ADARB2: variants seen among roughly 807,000 people sequenced by gnomAD.
The protein encoded by ADARB2 is adenosine deaminase RNA specific B2 (inactive).
In ADARB2, 25 loss-of-function variants were observed where a neutral mutation model predicts 62.2. The observed-to-expected ratio is 0.40, with a 90% CI of 0.29 to 0.56. The LOEUF (loss-of-function observed/expected upper bound fraction) is 0.56. Among genes scored for constraint, ADARB2 ranks in the 20% least tolerant of loss-of-function variants. The pLI is 0.43. For missense variants in ADARB2, 1,071 were observed against 1,077.4 expected, an observed-to-expected ratio of 0.99 and a Z score of 0.08; for synonymous variants, 572 against 500.8, an observed-to-expected ratio of 1.14 and a Z score of -1.90.
At chr10:1,480,421 G>A (rs1232793571) in intron 1 of ADARB2, among the ~76,000 whole-genome samples, 1 of 152,204 alleles carries the variant, frequency 6.6e-6, no homozygotes, top group South Asian at 2.1e-4. Flanking sequence ...AGTTCTGGCC[G>A]GGCGTGGTGG....
chr10:1,691,725 G>C (rs1834675161), intron 1 of ADARB2, among the ~76,000 whole-genome samples: 1 of 152,108 alleles, frequency 6.6e-6, no homozygotes, highest in Admixed American at 6.5e-5. Flanking sequence ...TCAACTGCTT[G>C]CTCTGGTTCG....
At chr10:1,407,620 G>A (rs554004898) in intron 1 of ADARB2, among the ~76,000 whole-genome samples, 21 of 152,276 alleles carry the variant, frequency 1.4e-4, no homozygotes, top group Non-Finnish European at 2.2e-4. Context: ...GCCCTTCCTC[G>A]GGGCATAGTC....
intron 4 of ADARB2, among the ~76,000 whole-genome samples, chr10:1,270,474 A>C (rs1831250385): frequency 6.6e-6 from 1 of 152,180 alleles, no homozygotes; most frequent in African/African-American, 2.4e-5. Context: ...CCGATTGATC[A>C]AATTTAGCCC....
chr10:1,626,336 G>C (rs902006342), intron 1 of ADARB2, among the ~76,000 whole-genome samples: 1 of 120,410 alleles, frequency 8.3e-6, no homozygotes. Context: ...GCTCTCTCCT[G>C]CATGGACACA....
chr10:1,653,568 C>A (rs114324639), intron 1 of ADARB2, among the ~76,000 whole-genome samples: 1,169 of 98,838 alleles, frequency 0.012, 9 homozygotes, highest in African/African-American at 0.025. Flanking sequence ...AGTCTCCACC[C>A]CACGCCTCAT....
In ADARB2 at chr10:1,400,779, C is replaced by A. The variant is rs188522039; in HGVS notation, c.101-21619G>T. On this transcript the variant is annotated intron_variant, in intron 1 of 9. Coordinates refer to ENST00000381312, the MANE Select transcript of ADARB2 (RefSeq NM_018702.4). ...TCATGCTGTTCTTCTGCGTTCCACA[C>A]GGTTTGTAAAAAGGCGTGGCATGTG... Among the ~76,000 whole-genome samples the A allele has an allele frequency of 3.9e-5, 6 of 152,218 alleles. No homozygotes were observed. In the South Asian group the frequency reaches 1.0e-3, roughly 26 times the overall value.
At chr10:1,568,774 G>C (rs1419246955) in intron 1 of ADARB2, among the ~76,000 whole-genome samples, 1 of 151,178 alleles carries the variant, frequency 6.6e-6, no homozygotes, top group Non-Finnish European at 1.5e-5. Context: ...CTAAACTTCT[G>C]TGTGCATATA....
chr10:1,178,016 T>C lies in ADARB2; in HGVS notation c.*5177A>G, dbSNP rs1836611569. On this transcript the variant is annotated 3_prime_UTR_variant, in exon 10 of 10. Transcript: ENST00000381312. ...GAGATGTGGCCACCAGCGTTCCTTC[T>C]GGTGGGAGGTCAGAACATGTGGACA... is the stretch of plus-strand genomic sequence containing the variant. 6.6e-6 allele frequency: 1 copy of C among 152,198 alleles called. No individual in the cohort carries two copies. The highest frequency in any genetic ancestry group is 2.4e-5 in the African/African-American group (1 of 41,450). The allele number at this position is 152,198 out of a possible 1,614,324, so 9.4% of individuals were successfully genotyped here. A position where few individuals can be genotyped will look rare whatever the true frequency, so the allele number is the denominator to read the frequency against.
rs544985761 is a variant in ADARB2, at chr10:1,266,789, G to A, written c.1192+4166C>T. Among the ~76,000 whole-genome samples, 107 of 152,204 alleles carry A rather than the reference G, an allele frequency of 7.0e-4. 1 individual carries two copies. Among genetic ancestry groups the A allele is most frequent in the Non-Finnish European group, 2.5e-4 (17 of 68,040 alleles). ...ACACGGGCCAGGGCGTCTCCTCAGA[G>A]GAGTTGAGCAGAAGTTACAGCTACA... is the stretch of plus-strand genomic sequence containing the variant. On this transcript the variant is annotated intron_variant, in intron 4 of 9. Transcript: ENST00000381312.
intron 1 of ADARB2, among the ~76,000 whole-genome samples, chr10:1,492,393 T>C (rs1482129186): frequency 6.6e-6 from 1 of 152,108 alleles, no homozygotes; most frequent in East Asian, 1.9e-4. Context: ...AGTATGTTGG[T>C]GTCCTTATCA....
chr10:1,706,465 A>T (rs1291589629), intron 1 of ADARB2, among the ~76,000 whole-genome samples: 2 of 152,224 alleles, frequency 1.3e-5, no homozygotes, highest in Non-Finnish European at 2.9e-5. Context: ...AAGGCCAGCC[A>T]CAGGTATTTA....
intron 1 of ADARB2, among the ~76,000 whole-genome samples, chr10:1,569,864 G>T (rs563713815): frequency 6.6e-6 from 1 of 152,230 alleles, no homozygotes; most frequent in African/African-American, 2.4e-5. Flanking sequence ...GGCACTGCTT[G>T]TTTTTTATCC....
intron 3 of ADARB2, among the ~76,000 whole-genome samples, chr10:1,352,090 T>A (rs975796528): frequency 1.7e-4 from 26 of 151,860 alleles, no homozygotes; most frequent in African/African-American, 6.3e-4. Context: ...TGGGCTGTAC[T>A]GCCGCAAAGC....
intron 1 of ADARB2, among the ~76,000 whole-genome samples, chr10:1,549,367 C>T (rs11591776): frequency 6.6e-6 from 1 of 151,922 alleles, no homozygotes; most frequent in South Asian, 2.1e-4. Flanking sequence ...TTTTTGAAAG[C>T]CCTGGGAGTG....
At chr10:1,190,628 C>T (rs528347008) in intron 8 of ADARB2, among the ~76,000 whole-genome samples, 4 of 152,320 alleles carry the variant, frequency 2.6e-5, no homozygotes, top group African/African-American at 9.6e-5. Flanking sequence ...CTCTCCCAGC[C>T]TCTGCTCAAT....
chr10:1,431,558 A>T (rs1830778085), intron 1 of ADARB2, among the ~76,000 whole-genome samples: 4 of 152,190 alleles, frequency 2.6e-5, no homozygotes, highest in Admixed American at 2.6e-4. Context: ...TTATAAAACT[A>T]TAAAAAACAA....
At chr10:1,233,293 G>C (rs769252774) in intron 6 of ADARB2, among the ~76,000 whole-genome samples, 2 of 152,196 alleles carry the variant, frequency 1.3e-5, no homozygotes, top group Non-Finnish European at 2.9e-5. Flanking sequence ...CCCTGGCTTG[G>C]TTGCAAAAGC....
intron 2 of ADARB2, among the ~76,000 whole-genome samples, chr10:1,375,140 C>T (rs1832411097): frequency 6.6e-6 from 1 of 152,198 alleles, no homozygotes. Flanking sequence ...AACCTCTTTT[C>T]AGCACAACTC....
At chr10:1,228,437 T>G (rs963078105) in intron 6 of ADARB2, among the ~76,000 whole-genome samples, 1 of 152,210 alleles carries the variant, frequency 6.6e-6, no homozygotes, top group Admixed American at 6.5e-5. Context: ...CTGAGTTCTA[T>G]CCCAGGCCTC....
Sources: gnomAD v4.1 joint callset for allele counts (sites outside exome capture counted in the v4.1 genomes callset) on GRCh38, gnomAD v4.1.1 for gene constraint, MANE v1.5 for transcripts, NCBI Gene and HGNC (gene_info 2026-07-23, HGNC 2026-07-21) for gene names.